Variants in ITGB3BP observed in about 807,000 individuals in gnomAD.
The protein encoded by ITGB3BP is integrin subunit beta 3 binding protein, also known as centromere protein R.
A neutral mutation model predicts 29.1 loss-of-function variants in ITGB3BP; 27 were observed. That is an observed-to-expected ratio of 0.93 (90% CI 0.68 to 1.28). The LOEUF (loss-of-function observed/expected upper bound fraction) is 1.28, where lower values mean the gene tolerates loss of function less well. ITGB3BP is among the 50% of genes most tolerant of loss of function. The pLI, the probability that ITGB3BP is intolerant of heterozygous loss-of-function variation, is 0.00. For synonymous variants in ITGB3BP, 61 were observed against 61.4 expected (o/e 0.99, Z 0.03); for missense variants, 192 against 200.2 (o/e 0.96, Z 0.25).
At chr1:63,500,655 C>T (rs943343247) in intron 2 of ITGB3BP, among the ~76,000 whole-genome samples, 12 of 152,216 alleles carry the variant, frequency 7.9e-5, no homozygotes, top group Admixed American at 3.3e-4. Context: ...AGAAATATAT[C>T]TCACATTCAT....
intron 2 of ITGB3BP, among the ~76,000 whole-genome samples, chr1:63,502,009 C>T (rs567600110): frequency 6.6e-6 from 1 of 152,190 alleles, no homozygotes; most frequent in Admixed American, 6.5e-5. Context: ...AAGAAGTATG[C>T]TCTTCTCTTC....
At chr1:63,478,132 A>G (rs1274298387) in intron 4 of ITGB3BP, among the ~76,000 whole-genome samples, 3 of 152,164 alleles carry the variant, frequency 2.0e-5, no homozygotes, top group African/African-American at 7.2e-5. Flanking sequence ...TAATGGCAAG[A>G]AAAAAAAGTT....
chr1:63,442,441 T>A (rs1325681130), intron 8 of ITGB3BP: 1 of 152,234 alleles, frequency 6.6e-6, no homozygotes, highest in Non-Finnish European at 1.5e-5. Context: ...TCTATTGTGC[T>A]GACCTGCAGT....
chr1:63,498,028 T>A (rs1213013015), intron 2 of ITGB3BP, among the ~76,000 whole-genome samples: 1 of 151,818 alleles, frequency 6.6e-6, no homozygotes. Flanking sequence ...CATAAACATA[T>A]CTAACAGGAG....
At chr1:63,461,345 C>T (rs1166488122) in intron 4 of ITGB3BP, among the ~76,000 whole-genome samples, 1 of 149,794 alleles carries the variant, frequency 6.7e-6, no homozygotes, top group African/African-American at 2.5e-5. Context: ...TTTGGAAGCT[C>T]TTGATCTACT....
In ITGB3BP at chr1:63,495,777, T is replaced by C. The variant is rs571269179; in HGVS notation, c.49-5559A>G. On this transcript the variant is annotated intron_variant, in intron 2 of 8. Transcript: ENST00000271002. ...TCCCTAGAACCAGGATGCTTTATCTTAGGCTCCACTCTAGGCAACCCCTTT... is the reference window on the plus strand; with the variant it reads ...TCCCTAGAACCAGGATGCTTTATCTCAGGCTCCACTCTAGGCAACCCCTTT... Among the ~76,000 whole-genome samples the C allele has an allele frequency of 2.6e-5, 4 of 152,282 alleles. No homozygotes were observed. In the South Asian group the frequency reaches 8.3e-4, roughly 32 times the overall value.
intron 4 of ITGB3BP, among the ~76,000 whole-genome samples, chr1:63,471,262 G>GTTTTTT (rs55797590): frequency 2.4e-5 from 3 of 125,382 alleles, no homozygotes; most frequent in Non-Finnish European, 4.9e-5. Flanking sequence ...TCCTCTAAAA[G>GTTTTTT]TTTTTTTTTT....
chr1:63,525,548 C>T, upstream of ITGB3BP: 1 of 1,445,434 alleles, frequency 6.9e-7, no homozygotes, highest in South Asian at 1.6e-5. Flanking sequence ...TTGACAAACA[C>T]ATTTTTAAAT....
At chr1:63,442,502 G>C (rs1273439063) in intron 8 of ITGB3BP, 1 of 152,164 alleles carries the variant, frequency 6.6e-6, no homozygotes, top group African/African-American at 2.4e-5. Flanking sequence ...ACAGTCACAC[G>C]GACTTGGGGG....
intron 1 of ITGB3BP, 55 bp from the exon 2 acceptor site, chr1:63,508,625 G>T: frequency 2.6e-6 from 2 of 771,810 alleles, no homozygotes; most frequent in Non-Finnish European, 2.1e-6. Context: ...ATTTAAAGTA[G>T]CCCAATAATT....
intron 4 of ITGB3BP, among the ~76,000 whole-genome samples, chr1:63,473,511 G>T (rs1191117208): frequency 5.7e-5 from 8 of 140,822 alleles, no homozygotes; most frequent in South Asian, 4.6e-4. Context: ...CGCCCAGTCC[G>T]GGAGGGAGGT....
chr1:63,490,073 T>C lies in ITGB3BP; in HGVS notation c.184+10A>G, dbSNP rs755687159. On this transcript the variant is annotated intron_variant, in intron 3 of 8. Transcript: ENST00000271002. ...ACCTTACAATAAGTAGAAAAGAATGTTCAACTAACCATTTGATAGTCCATT... is the reference window on the plus strand; with the variant it reads ...ACCTTACAATAAGTAGAAAAGAATGCTCAACTAACCATTTGATAGTCCATT... 2 of 1,605,812 alleles carry C rather than the reference T, an allele frequency of 1.2e-6. No homozygotes were observed. The highest frequency in any genetic ancestry group is 2.2e-5 in the East Asian group (1 of 44,654).
intron 3 of ITGB3BP, among the ~76,000 whole-genome samples, chr1:63,488,686 C>T (rs1017747459): frequency 3.3e-5 from 5 of 151,860 alleles, no homozygotes; most frequent in African/African-American, 7.2e-5. Flanking sequence ...AATTCTGTTT[C>T]GAGACTTCTA....
intron 4 of ITGB3BP, among the ~76,000 whole-genome samples, chr1:63,474,920 ACAAAAC>A (rs796906540): frequency 3.8e-4 from 4 of 10,606 alleles, no homozygotes; most frequent in African/African-American, 4.0e-4. Flanking sequence ...TAAAATAAAA[ACAAAAC>A]AAAACAAAAA....
rs542621676 is a variant in ITGB3BP at position 63,507,971 on chromosome 1, T to C, written c.48+557A>G. On this transcript the variant is annotated intron_variant, in intron 2 of 8. Coordinates refer to ENST00000271002, the MANE Select transcript of ITGB3BP (RefSeq NM_014288.5). The stretch of plus-strand genomic sequence containing the variant: ...TAAACTAACATATGTCATGATATGC[T>C]GGCACTGGGAATGTGCTACAACTCA... Among the ~76,000 whole-genome samples the C allele has an allele frequency of 4.6e-4, 70 of 152,316 alleles. 1 individual carries two copies. Among genetic ancestry groups the C allele is most frequent in the African/African-American group, 1.6e-3 (66 of 41,586 alleles).
intron 7 of ITGB3BP, among the ~76,000 whole-genome samples, chr1:63,448,378 G>A (rs1644817876): frequency 6.6e-6 from 1 of 151,604 alleles, no homozygotes; most frequent in Non-Finnish European, 1.5e-5. Context: ...AGGTAGCAAA[G>A]TGTTCTGGGG....
At chr1:63,489,270 T>C (rs1460619786) in intron 3 of ITGB3BP, among the ~76,000 whole-genome samples, 5 of 151,920 alleles carry the variant, frequency 3.3e-5, no homozygotes, top group African/African-American at 1.2e-4. Context: ...TTCTAGTATA[T>C]GCTTAGCACT....
At chr1:63,441,956 T>TG (rs57959298) in intron 8 of ITGB3BP, among the ~76,000 whole-genome samples, 10,771 of 152,136 alleles carry the variant, frequency 0.071, 1,301 homozygotes, top group African/African-American at 0.24. Flanking sequence ...CTAATAAGGC[T>TG]GGGGGTGGTG....
intron 1 of ITGB3BP, among the ~76,000 whole-genome samples, chr1:63,509,467 A>G (rs1245616211): frequency 6.6e-6 from 1 of 152,226 alleles, no homozygotes; most frequent in Non-Finnish European, 1.5e-5. Context: ...AAGCAAAAAG[A>G]TTGTACTATG....
Sources: allele counts gnomAD v4.1 joint callset (sites outside exome capture counted in the v4.1 genomes callset), GRCh38; gene constraint gnomAD v4.1.1; transcripts MANE v1.5; gene names NCBI Gene and HGNC (gene_info 2026-07-23, HGNC 2026-07-21).